Variants in MTSS1 observed in about 807,000 individuals in gnomAD.
The protein encoded by MTSS1 is MTSS I-BAR domain containing 1.
Under a neutral mutation model 79.0 loss-of-function variants are expected in MTSS1, and 18 were observed. That is an observed-to-expected ratio of 0.23 (90% confidence interval 0.16 to 0.34). MTSS1 has a LOEUF of 0.34. Ranked by LOEUF, MTSS1 falls within the 10% of genes least tolerant of loss-of-function variation. MTSS1 has a pLI of 1.00. For synonymous variants in MTSS1, 341 were observed against 368.6 expected (o/e 0.93, Z 0.86); for missense variants, 815 against 986.2 (o/e 0.83, Z 2.33).
intron 3 of MTSS1, among the ~76,000 whole-genome samples, chr8:124,631,191 G>C (rs568770089): frequency 1.3e-5 from 2 of 152,154 alleles, no homozygotes; most frequent in Non-Finnish European, 1.5e-5. Context: ...GGTGGGGCAC[G>C]GGGACAGGCC....
chr8:124,668,899 C>T (rs1268755684), intron 3 of MTSS1, among the ~76,000 whole-genome samples: 1 of 152,180 alleles, frequency 6.6e-6, no homozygotes, highest in African/African-American at 2.4e-5. Context: ...GGGCCCTTTC[C>T]CACACATTAG....
Position 124,567,147 on chromosome 8 carries a change from G to A in MTSS1, c.650C>T (p.Thr217Ile), listed in dbSNP as rs1826675097. ...ATCTTCCGAGATGGTCTGAAGGTGG[G>A]TTATTTCCCCTAGCATTGAGATTTC... ...EEEISMLGEI[T>I]HLQTISEDLK... Residue 217 changes from threonine to isoleucine, a missense_variant, in exon 8 of 14, where the codon ACC becomes ATC. Thr to Ile is a moderately conservative substitution (Grantham distance 89). Transcript: ENST00000518547. 1 of 1,614,020 alleles carries A rather than the reference G, an allele frequency of 6.2e-7. No individual in the cohort carries two copies. The highest frequency in any genetic ancestry group is 1.3e-5 in the African/African-American group (1 of 75,062).
At chr8:124,666,758 T>C (rs111232209) in intron 3 of MTSS1, among the ~76,000 whole-genome samples, 3,921 of 152,192 alleles carry the variant, frequency 0.026, 167 homozygotes, top group African/African-American at 0.089. Flanking sequence ...TGAGCCCAGC[T>C]GGCCGAGGGT....
intron 5 of MTSS1, among the ~76,000 whole-genome samples, chr8:124,588,293 C>G (rs1831222939): frequency 6.6e-6 from 1 of 152,184 alleles, no homozygotes; most frequent in Admixed American, 6.5e-5. Context: ...TCATTGCAGT[C>G]TTCTACTTTG....
At chr8:124,691,664 C>T (rs750870073) in intron 3 of MTSS1, among the ~76,000 whole-genome samples, 1 of 151,950 alleles carries the variant, frequency 6.6e-6, no homozygotes, top group Admixed American at 6.6e-5. Context: ...TACAGATGCC[C>T]GCCACCACAC....
At chr8:124,667,371 G>C (rs113229291) in intron 3 of MTSS1, among the ~76,000 whole-genome samples, 2 of 152,106 alleles carry the variant, frequency 1.3e-5, no homozygotes, top group African/African-American at 4.8e-5. Flanking sequence ...TAGGCCGGGC[G>C]TGGTGGCTCA....
chr8:124,573,941 A>G (rs558916262), intron 6 of MTSS1, among the ~76,000 whole-genome samples: 13 of 152,200 alleles, frequency 8.5e-5, no homozygotes, highest in Non-Finnish European at 1.5e-4. Flanking sequence ...TTCCTGGGGC[A>G]AAGCATTGTG....
At position 124,720,379 on chromosome 8, in the gene MTSS1, G is replaced by A. The variant is rs78994468; in HGVS notation, c.72+7505C>T. Among the ~76,000 whole-genome samples the A allele has an allele frequency of 9.2e-3, 1,394 of 152,316 alleles. 18 individuals carry two copies. The highest frequency in any genetic ancestry group is 0.031 in the African/African-American group (1,300 of 41,568). On this transcript the variant is annotated intron_variant, in intron 1 of 13. Transcript: ENST00000518547. ...AGACTTGGGAAGCTGCTGCCACAGG[G>A]CAGACTAGAGGCACAGGATGGCCAC...
chr8:124,630,896 C>T (rs922472275), intron 3 of MTSS1, among the ~76,000 whole-genome samples: 2 of 152,192 alleles, frequency 1.3e-5, no homozygotes, highest in African/African-American at 2.4e-5. Context: ...CCTTTGGAGG[C>T]CTTTGGCCAT....
chr8:124,612,251 G>A (rs934635670), intron 3 of MTSS1, among the ~76,000 whole-genome samples: 2 of 152,192 alleles, frequency 1.3e-5, no homozygotes, highest in Admixed American at 6.5e-5. Flanking sequence ...GACAAAGAGT[G>A]GGGCAATGGC....
chr8:124,615,248 G>A (rs1018183705), intron 3 of MTSS1, among the ~76,000 whole-genome samples: 1 of 151,986 alleles, frequency 6.6e-6, no homozygotes, highest in African/African-American at 2.4e-5. Context: ...CTGGGGGGTA[G>A]GCAGAGCTCT....
At chr8:124,613,704 T>C (rs1331266424) in intron 3 of MTSS1, among the ~76,000 whole-genome samples, 1 of 152,222 alleles carries the variant, frequency 6.6e-6, no homozygotes, top group African/African-American at 2.4e-5. Context: ...CAATGAGTCA[T>C]GGGCATCCTA....
intron 3 of MTSS1, among the ~76,000 whole-genome samples, chr8:124,620,667 G>A (rs1813321497): frequency 6.6e-6 from 1 of 152,174 alleles, no homozygotes; most frequent in African/African-American, 2.4e-5. Context: ...CGATTTTATT[G>A]CTAGAATACT....
At chr8:124,565,085 C>T (rs1334635965) in intron 9 of MTSS1, among the ~76,000 whole-genome samples, 1 of 152,218 alleles carries the variant, frequency 6.6e-6, no homozygotes, top group Non-Finnish European at 1.5e-5. Flanking sequence ...AATTGCTAGA[C>T]AACAGTTTTG....
rs572008139 is a variant in MTSS1 at position 124,690,543 on chromosome 8, A to C, written c.208+8983T>G. 7.2e-5 allele frequency among the ~76,000 whole-genome samples: 11 copies of C among 152,358 alleles called. No individual in the cohort carries two copies. In the South Asian group the frequency reaches 2.3e-3, roughly 32 times the overall value. On this transcript the variant is annotated intron_variant, in intron 3 of 13. Transcript: ENST00000518547. ...AGTGTCATTCCAGGAAGACATGGTTAAAAGCAAAACACGACTGAGGCAGGA... is the reference window on the plus strand; with the variant it reads ...AGTGTCATTCCAGGAAGACATGGTTCAAAGCAAAACACGACTGAGGCAGGA...
intron 1 of MTSS1, among the ~76,000 whole-genome samples, chr8:124,710,159 G>A (rs1210123794): frequency 6.6e-6 from 1 of 152,218 alleles, no homozygotes; most frequent in African/African-American, 2.4e-5. Context: ...GGACATGGGC[G>A]AAGTGGCCCA....
chr8:124,655,579 A>G (rs921378444), intron 3 of MTSS1, among the ~76,000 whole-genome samples: 9 of 152,254 alleles, frequency 5.9e-5, no homozygotes, highest in Admixed American at 1.3e-4. Context: ...AAAGTCAAAG[A>G]TAAAGATGAA....
intron 11 of MTSS1, 68 bp downstream of exon 11, chr8:124,557,613 G>A (rs955406825): frequency 7.1e-7 from 1 of 1,412,162 alleles, no homozygotes. Flanking sequence ...GGGGTGAGGG[G>A]GTTGGAACAG....
At position 124,703,509 on chromosome 8, in the gene MTSS1, T is replaced by A. The variant is rs1829992895; in HGVS notation, c.134+621A>T. The stretch of plus-strand genomic sequence containing the variant: ...GATTTCGCCATGTTGGCCAGACTGG[T>A]CTTGAACTCCTGACCTTGTGATCTG... On this transcript the variant is annotated intron_variant, in intron 2 of 13. Transcript: ENST00000518547. Among the ~76,000 whole-genome samples the A allele has an allele frequency of 2.6e-5, 4 of 152,306 alleles. No homozygotes were observed. The South Asian group carries it at 8.3e-4, about 32-fold the overall frequency.
Sources: gnomAD v4.1 joint callset for allele counts (sites outside exome capture counted in the v4.1 genomes callset) on GRCh38, gnomAD v4.1.1 for gene constraint, MANE v1.5 for transcripts, NCBI Gene and HGNC (gene_info 2026-07-23, HGNC 2026-07-21) for gene names.